CCSER1: variants seen among roughly 807,000 people sequenced by gnomAD.
The protein encoded by CCSER1 is serine-rich coiled-coil domain-containing protein 1.
CCSER1 carries 41 observed loss-of-function variants against 82.0 expected under a neutral mutation model. That is an observed-to-expected ratio of 0.50 (90% CI 0.39 to 0.65). CCSER1 has a LOEUF of 0.65. Among genes scored for constraint, CCSER1 ranks in the 30% least tolerant of loss-of-function variants. The pLI is 0.00. For missense variants in CCSER1, 1,119 were observed against 1,064.2 expected, an observed-to-expected ratio of 1.05 and a Z score of -0.72; for synonymous variants, 414 against 383.9, an observed-to-expected ratio of 1.08 and a Z score of -0.92.
intron 9 of CCSER1, among the ~76,000 whole-genome samples, chr4:90,924,023 G>A (rs1490964132): frequency 6.6e-6 from 1 of 152,028 alleles, no homozygotes; most frequent in Admixed American, 6.6e-5. Context: ...TAGTAACACT[G>A]GATGATTTGG....
At chr4:91,191,288 T>C (rs1404612727) in intron 10 of CCSER1, among the ~76,000 whole-genome samples, 1 of 152,162 alleles carries the variant, frequency 6.6e-6, no homozygotes, top group African/African-American at 2.4e-5. Context: ...ATCTTCAATT[T>C]CTCCCTTTCC....
rs1760616272 is a variant in CCSER1 at position 90,827,488 on chromosome 4, T to C, written c.2094+11643T>C. Among the ~76,000 whole-genome samples the C allele has an allele frequency of 1.3e-5, 2 of 151,956 alleles. 1 individual carries two copies. Among genetic ancestry groups the C allele is most frequent in the Admixed American group, 1.3e-4 (2 of 15,258 alleles). On this transcript the variant is annotated intron_variant, in intron 8 of 10. Coordinates refer to ENST00000509176, the MANE Select transcript of CCSER1 (RefSeq NM_001145065.2). Reference sequence around the variant, plus strand: ...GGGTAATGATAACAAAACAGAAAAATTTATTTTAGAGGAATCACCTACAGC... The same window carrying C: ...GGGTAATGATAACAAAACAGAAAAACTTATTTTAGAGGAATCACCTACAGC...
In CCSER1 at chr4:90,949,854, C is replaced by G. The variant is rs574720873; in HGVS notation, c.2172+26407C>G. ...ATCTCATTTAATACCCATGATGACTCTAAGTAGCAGACTCTAGAATTATCC... is the reference window on the plus strand; with the variant it reads ...ATCTCATTTAATACCCATGATGACTGTAAGTAGCAGACTCTAGAATTATCC... On this transcript the variant is annotated intron_variant, in intron 9 of 10. Coordinates refer to ENST00000509176, the MANE Select transcript of CCSER1 (RefSeq NM_001145065.2). Among the ~76,000 whole-genome samples, 50 of 152,136 alleles carry G rather than the reference C, an allele frequency of 3.3e-4. No homozygotes were observed. In the South Asian group the frequency reaches 7.7e-3, roughly 23 times the overall value.
At chr4:90,610,892 C>T (rs1457346450) in intron 5 of CCSER1, among the ~76,000 whole-genome samples, 1 of 151,498 alleles carries the variant, frequency 6.6e-6, no homozygotes, top group Non-Finnish European at 1.5e-5. Context: ...GTTGTTGTTT[C>T]TTTGAGACCA....
intron 5 of CCSER1, among the ~76,000 whole-genome samples, chr4:90,598,066 T>C (rs1783562778): frequency 6.6e-6 from 1 of 152,130 alleles, no homozygotes; most frequent in South Asian, 2.1e-4. Context: ...GTTGTTTCCA[T>C]ATCTTGACAA....
chr4:91,497,880 G>T (rs1443323704), intron 10 of CCSER1, among the ~76,000 whole-genome samples: 6 of 151,786 alleles, frequency 4.0e-5, no homozygotes, highest in African/African-American at 1.4e-4. Context: ...TTAACCTCTA[G>T]AAGTATCTTT....
chr4:90,671,337 T>C (rs538669782), intron 6 of CCSER1, among the ~76,000 whole-genome samples: 2 of 152,174 alleles, frequency 1.3e-5, no homozygotes, highest in African/African-American at 4.8e-5. Flanking sequence ...GAGTCCATCC[T>C]CTCAAACTCT....
intron 10 of CCSER1, among the ~76,000 whole-genome samples, chr4:91,469,861 A>G (rs1331964264): frequency 1.3e-5 from 2 of 152,230 alleles, no homozygotes; most frequent in Non-Finnish European, 2.9e-5. Context: ...TGGTGCAATC[A>G]TAGAAGAAGT....
chr4:91,110,297 G>GAAA (rs75294307), intron 10 of CCSER1, among the ~76,000 whole-genome samples: 1 of 151,594 alleles, frequency 6.6e-6, no homozygotes, highest in African/African-American at 2.4e-5. Flanking sequence ...TCTTCACTAG[G>GAAA]AAAAAAATAA....
chr4:90,823,216 C>T (rs1301087213), intron 8 of CCSER1, among the ~76,000 whole-genome samples: 1 of 151,976 alleles, frequency 6.6e-6, no homozygotes, highest in Non-Finnish European at 1.5e-5. Context: ...TTAAACTTCA[C>T]ACACACACAT....
At chr4:91,166,364 A>G (rs1732077159) in intron 10 of CCSER1, among the ~76,000 whole-genome samples, 1 of 152,174 alleles carries the variant, frequency 6.6e-6, no homozygotes, top group South Asian at 2.1e-4. Flanking sequence ...TGGTGATTAA[A>G]AAAAAGTGAT....
In CCSER1 at chr4:91,089,489, AT is replaced by A. The variant is rs1472889534; in HGVS notation, c.2217+3498del. Among the ~76,000 whole-genome samples, 3 of 152,198 alleles carry A rather than the reference AT, an allele frequency of 2.0e-5. No homozygotes were observed. The East Asian group carries it at 5.8e-4, about 29-fold the overall frequency. On this transcript the variant is annotated intron_variant, in intron 10 of 10. Coordinates refer to ENST00000509176, the MANE Select transcript of CCSER1 (RefSeq NM_001145065.2). Reference sequence around the variant, plus strand: ...GGGGGATCTCTTTCTCTCTTCTTTCATTTCCCACCTTTGAGACTCTCACTCA... The same window carrying A: ...GGGGGATCTCTTTCTCTCTTCTTTCATTCCCACCTTTGAGACTCTCACTCA...
At chr4:91,454,543 T>C (rs1327229464) in intron 10 of CCSER1, among the ~76,000 whole-genome samples, 1 of 152,066 alleles carries the variant, frequency 6.6e-6, no homozygotes, top group Non-Finnish European at 1.5e-5. Context: ...TTTGGCAAAC[T>C]TCCTTTTGCC....
At chr4:91,151,870 T>C (rs1730243355) in intron 10 of CCSER1, among the ~76,000 whole-genome samples, 1 of 152,078 alleles carries the variant, frequency 6.6e-6, no homozygotes, top group South Asian at 2.1e-4. Context: ...CTTTTCCATT[T>C]GCTGAGGAGT....
At chr4:90,484,462 T>TGC (rs1766643269) in intron 5 of CCSER1, among the ~76,000 whole-genome samples, 1 of 152,176 alleles carries the variant, frequency 6.6e-6, no homozygotes, top group South Asian at 2.1e-4. Flanking sequence ...TTTTTAGAGT[T>TGC]TCTGGTTTTT....
chr4:90,848,721 C>T (rs1405022755), intron 8 of CCSER1, among the ~76,000 whole-genome samples: 1 of 152,140 alleles, frequency 6.6e-6, no homozygotes, highest in Non-Finnish European at 1.5e-5. Context: ...GTGTAATAAT[C>T]CCCACGTATC....
intron 1 of CCSER1, among the ~76,000 whole-genome samples, chr4:90,283,882 T>G (rs1307044544): frequency 6.6e-6 from 1 of 152,108 alleles, no homozygotes; most frequent in East Asian, 1.9e-4. Flanking sequence ...AGCTCTTTTT[T>G]TAGTTTTTTG....
At chr4:90,377,842 G>T (rs1026517911) in intron 3 of CCSER1, among the ~76,000 whole-genome samples, 1 of 152,006 alleles carries the variant, frequency 6.6e-6, no homozygotes, top group Non-Finnish European at 1.5e-5. Flanking sequence ...TTAACTGTGG[G>T]TGGAAAATTT....
chr4:90,754,342 T>G (rs1457729505), intron 7 of CCSER1, among the ~76,000 whole-genome samples: 1 of 152,230 alleles, frequency 6.6e-6, no homozygotes, highest in East Asian at 1.9e-4. Flanking sequence ...AATCTACTAA[T>G]TTACCTGAGT....
Sources: gnomAD v4.1 joint callset for allele counts (sites outside exome capture counted in the v4.1 genomes callset) on GRCh38, gnomAD v4.1.1 for gene constraint, MANE v1.5 for transcripts, NCBI Gene and HGNC (gene_info 2026-07-23, HGNC 2026-07-21) for gene names.